Variants in B3GALT1 observed in about 807,000 individuals in gnomAD.
B3GALT1 encodes beta-1,3-galactosyltransferase 1, also known as UDP-Gal:betaGlcNAc beta 1,3-galactosyltransferase, polypeptide 1.
B3GALT1 carries 10 observed loss-of-function variants against 23.2 expected under a neutral mutation model. The ratio of observed to expected loss-of-function variants is 0.43; its 90% CI spans 0.27 to 0.73. The LOEUF is 0.73. Ranked by LOEUF, B3GALT1 falls within the 30% of genes least tolerant of loss-of-function variation. The pLI is 0.21. For missense variants in B3GALT1, 299 were observed against 405.4 expected, an observed-to-expected ratio of 0.74 and a Z score of 2.25; for synonymous variants, 156 against 141.5, an observed-to-expected ratio of 1.10 and a Z score of -0.73.
chr2:167,450,597 C>T (rs1392844581), intron 1 of B3GALT1, among the ~76,000 whole-genome samples: 2 of 152,152 alleles, frequency 1.3e-5, no homozygotes, highest in African/African-American at 2.4e-5. Flanking sequence ...TGTAGGTTAC[C>T]TGGTGCTTTT....
chr2:167,348,261 A>G (rs1027241439), intron 1 of B3GALT1, among the ~76,000 whole-genome samples: 6 of 152,210 alleles, frequency 3.9e-5, no homozygotes, highest in Non-Finnish European at 5.9e-5. Context: ...ACATGCGTCC[A>G]TTTAACCAGT....
chr2:167,578,602 T>C (rs998360007), intron 2 of B3GALT1, among the ~76,000 whole-genome samples: 3 of 151,864 alleles, frequency 2.0e-5, no homozygotes, highest in Non-Finnish European at 2.9e-5. Flanking sequence ...ATAAGTGTAT[T>C]TTCATCAGAG....
chr2:167,595,781 T>C (rs906979301), intron 2 of B3GALT1, among the ~76,000 whole-genome samples: 2 of 152,180 alleles, frequency 1.3e-5, no homozygotes, highest in African/African-American at 4.8e-5. Flanking sequence ...AAAATGAAAA[T>C]GAAAGTTGTT....
intron 1 of B3GALT1, among the ~76,000 whole-genome samples, chr2:167,311,741 A>G (rs1449354592): frequency 6.6e-6 from 1 of 152,058 alleles, no homozygotes; most frequent in African/African-American, 2.4e-5. Flanking sequence ...TTAATGGTAG[A>G]TTAGATCCAA....
At chr2:167,351,555 G>A (rs923505910) in intron 1 of B3GALT1, among the ~76,000 whole-genome samples, 7 of 152,190 alleles carry the variant, frequency 4.6e-5, no homozygotes, top group African/African-American at 1.7e-4. Context: ...AAAAGATGTG[G>A]TGTAGCAAAG....
intron 2 of B3GALT1, among the ~76,000 whole-genome samples, chr2:167,503,623 C>T (rs2105349564): frequency 6.6e-6 from 1 of 152,286 alleles, no homozygotes; most frequent in African/African-American, 2.4e-5. Context: ...TTGAGTATTG[C>T]ATTTCCAAGA....
intron 3 of B3GALT1, chr2:167,715,263 T>G: frequency 6.2e-7 from 1 of 1,613,950 alleles, no homozygotes; most frequent in Non-Finnish European, 8.5e-7. Context: ...AAGTGTCCAG[T>G]CAGGGTCTTG....
At chr2:167,846,719 A>G (rs1689767680) in intron 4 of B3GALT1, among the ~76,000 whole-genome samples, 1 of 152,224 alleles carries the variant, frequency 6.6e-6, no homozygotes, top group African/African-American at 2.4e-5. Context: ...AAAAGTACAC[A>G]GGCAACAAAC....
intron 3 of B3GALT1, among the ~76,000 whole-genome samples, chr2:167,698,189 AG>A (rs765445580): frequency 1.6e-4 from 25 of 152,194 alleles, no homozygotes; most frequent in Non-Finnish European, 2.8e-4. Context: ...AAAGAAGGAA[AG>A]TATTTTGAAA....
At chr2:167,432,079 A>G (rs1698715266) in intron 1 of B3GALT1, among the ~76,000 whole-genome samples, 1 of 152,198 alleles carries the variant, frequency 6.6e-6, no homozygotes, top group Non-Finnish European at 1.5e-5. Flanking sequence ...CTGAGCTTGG[A>G]AAGTGAACTG....
At chr2:167,810,793 C>G (rs1688872669) in intron 3 of B3GALT1, among the ~76,000 whole-genome samples, 1 of 144,136 alleles carries the variant, frequency 6.9e-6, no homozygotes, top group Non-Finnish European at 1.5e-5. Context: ...CATACTGCCC[C>G]AAGTTGTCAA....
At chr2:167,495,697 T>A (rs1234175424) in intron 2 of B3GALT1, among the ~76,000 whole-genome samples, 1 of 152,140 alleles carries the variant, frequency 6.6e-6, no homozygotes, top group Non-Finnish European at 1.5e-5. Context: ...CCCAGATCTG[T>A]TCCTAGGCTT....
At chr2:167,864,180 A>G (rs1559007244) in intron 4 of B3GALT1, among the ~76,000 whole-genome samples, 1 of 152,190 alleles carries the variant, frequency 6.6e-6, no homozygotes, top group African/African-American at 2.4e-5. Context: ...AAGAATCCCT[A>G]CAGAATTGAT....
At position 167,778,246 on chromosome 2, in the gene B3GALT1, A is replaced by G. The variant is rs369283284; in HGVS notation, c.-351-40426A>G. On this transcript the variant is annotated intron_variant, in intron 3 of 4. Coordinates refer to ENST00000392690, the MANE Select transcript of B3GALT1 (RefSeq NM_020981.4). The stretch of plus-strand genomic sequence containing the variant: ...ATTGGTTAATCACTTTCTTCACTTT[A>G]TCTTCCTTGTGTTCTACTGTCTCCT... 1.8e-4 allele frequency among the ~76,000 whole-genome samples: 28 copies of G among 152,136 alleles called. No individual in the cohort carries two copies. In the South Asian group the frequency reaches 5.8e-3, roughly 32 times the overall value.
chr2:167,757,903 A>G (rs762263533), intron 3 of B3GALT1, among the ~76,000 whole-genome samples: 52 of 152,286 alleles, frequency 3.4e-4, no homozygotes, highest in Middle Eastern at 3.4e-3. Context: ...TTCCCTCTTC[A>G]TTATGCAGTG....
At chr2:167,730,239 C>G (rs1323649571) in intron 3 of B3GALT1, among the ~76,000 whole-genome samples, 1 of 152,110 alleles carries the variant, frequency 6.6e-6, no homozygotes, top group Non-Finnish European at 1.5e-5. Flanking sequence ...ATACAGCAAG[C>G]TACATTTTTT....
At chr2:167,607,196 GAAAT>G (rs1684977775) in intron 2 of B3GALT1, among the ~76,000 whole-genome samples, 1 of 152,144 alleles carries the variant, frequency 6.6e-6, no homozygotes, top group African/African-American at 2.4e-5. Context: ...GAAAATGAAA[GAAAT>G]AAAAAGAAGA....
intron 2 of B3GALT1, among the ~76,000 whole-genome samples, chr2:167,596,012 G>T (rs1376461485): frequency 6.6e-6 from 1 of 152,158 alleles, no homozygotes; most frequent in East Asian, 1.9e-4. Flanking sequence ...AATTGTGCAG[G>T]GTTCCCTGGT....
rs1344966289 is a variant in B3GALT1 at position 167,737,029 on chromosome 2, T to C, written c.-351-81643T>C. Among the ~76,000 whole-genome samples the C allele has an allele frequency of 3.9e-5, 6 of 152,236 alleles. 1 individual carries two copies. The highest frequency in any genetic ancestry group is 1.3e-4 in the Admixed American group (2 of 15,286). On this transcript the variant is annotated intron_variant, in intron 3 of 4. Coordinates refer to ENST00000392690, the MANE Select transcript of B3GALT1 (RefSeq NM_020981.4). ...ATTAATGATGTCAGTATTTCCTTTG[T>C]TAAAAGTAGGCTTTCAAGCAATGCA...
Sources: allele counts gnomAD v4.1 joint callset (sites outside exome capture counted in the v4.1 genomes callset), GRCh38; gene constraint gnomAD v4.1.1; transcripts MANE v1.5; gene names NCBI Gene and HGNC (gene_info 2026-07-23, HGNC 2026-07-21).